Variants in TTLL5 observed in about 807,000 individuals in gnomAD.
TTLL5 encodes tubulin polyglutamylase TTLL5.
TTLL5 carries 132 observed loss-of-function variants against 168.4 expected under a neutral mutation model. That is an observed-to-expected ratio of 0.78 (90% confidence interval 0.68 to 0.91). The LOEUF is 0.91. Ranked by LOEUF, TTLL5 falls within the 40% of genes least tolerant of loss-of-function variation. The pLI is 0.00. For synonymous variants in TTLL5, 546 were observed against 558.6 expected (o/e 0.98, Z 0.32); for missense variants, 1,545 against 1,581.5 (o/e 0.98, Z 0.39).
chr14:75,692,108 A>G (rs912195489), intron 6 of TTLL5, among the ~76,000 whole-genome samples: 3 of 152,138 alleles, frequency 2.0e-5, no homozygotes, highest in Non-Finnish European at 4.4e-5. Context: ...TAGCCAAGTT[A>G]CTCCAACTTC....
intron 2 of TTLL5, among the ~76,000 whole-genome samples, chr14:75,666,291 A>G (rs1370402258): frequency 1.3e-5 from 2 of 152,380 alleles, no homozygotes; most frequent in East Asian, 3.9e-4. Flanking sequence ...GTGTTAAAGT[A>G]TTAATTCCTT....
intron 28 of TTLL5, among the ~76,000 whole-genome samples, chr14:75,848,736 C>T (rs1300423537): frequency 6.6e-6 from 1 of 152,218 alleles, no homozygotes; most frequent in Admixed American, 6.5e-5. Flanking sequence ...ATCCAGACTC[C>T]TAATAGATAA....
Position 75,882,257 on chromosome 14 carries a change from A to G in TTLL5, c.3523-428A>G, listed in dbSNP as rs1026600371. ...CTGCAAACTTTCTAGAGGAGCTCAGAGTTTTGGATTGGGCAGGAATCAAGT... is the reference window on the plus strand; with the variant it reads ...CTGCAAACTTTCTAGAGGAGCTCAGGGTTTTGGATTGGGCAGGAATCAAGT... On this transcript the variant is annotated intron_variant, in intron 29 of 31. Transcript: ENST00000298832. Among the ~76,000 whole-genome samples the G allele has an allele frequency of 5.9e-5, 9 of 152,130 alleles. 1 individual carries two copies. In the South Asian group the frequency reaches 1.9e-3, roughly 31 times the overall value.
At chr14:75,665,000 T>A (rs971620922) in intron 2 of TTLL5, among the ~76,000 whole-genome samples, 1 of 152,240 alleles carries the variant, frequency 6.6e-6, no homozygotes, top group Admixed American at 6.5e-5. Flanking sequence ...AGGTACTTAG[T>A]AAATTCTTGC....
At chr14:75,773,761 G>A (rs1302152328) in intron 21 of TTLL5, among the ~76,000 whole-genome samples, 7 of 150,682 alleles carry the variant, frequency 4.6e-5, no homozygotes, top group East Asian at 1.9e-4. Context: ...GTGGTAGTGC[G>A]CACCTATAGT....
At chr14:75,801,426 G>A (rs1893318025) in intron 27 of TTLL5, among the ~76,000 whole-genome samples, 1 of 152,114 alleles carries the variant, frequency 6.6e-6, no homozygotes, top group African/African-American at 2.4e-5. Flanking sequence ...TCAGGGTAAA[G>A]GTGTCCATCA....
intron 31 of TTLL5, among the ~76,000 whole-genome samples, chr14:75,911,187 A>G (rs1271862480): frequency 6.6e-6 from 1 of 151,824 alleles, no homozygotes; most frequent in Non-Finnish European, 1.5e-5. Context: ...GCCACCATGC[A>G]TGGCTAATTT....
intron 28 of TTLL5, among the ~76,000 whole-genome samples, chr14:75,828,092 G>C (rs757123104): frequency 6.6e-6 from 1 of 152,078 alleles, no homozygotes; most frequent in African/African-American, 2.4e-5. Flanking sequence ...TCTCAATGAT[G>C]TGACTATAAT....
chr14:75,842,682 G>A (rs175897), intron 28 of TTLL5, among the ~76,000 whole-genome samples: 136,314 of 152,250 alleles, frequency 0.9, 61,194 homozygotes, highest in African/African-American at 0.95. Context: ...TACTTTTAAT[G>A]TAAAATGTGG....
chr14:75,825,263 TCAC>T (rs1313433802), intron 28 of TTLL5, among the ~76,000 whole-genome samples: 1 of 152,194 alleles, frequency 6.6e-6, no homozygotes, highest in Non-Finnish European at 1.5e-5. Context: ...ATGGTATTGC[TCAC>T]CACTTAGTTT....
intron 26 of TTLL5, among the ~76,000 whole-genome samples, chr14:75,790,777 T>A (rs1892652426): frequency 6.6e-6 from 1 of 151,492 alleles, no homozygotes; most frequent in African/African-American, 2.4e-5. Flanking sequence ...GGAACTTTTT[T>A]ATTTTGTTTG....
In TTLL5 at chr14:75,690,285, G is replaced by C. The variant is rs1885355862; in HGVS notation, c.465G>C (p.Gln155His). 5 of 1,610,674 alleles carry C rather than the reference G, an allele frequency of 3.1e-6. No homozygotes were observed. The highest frequency in any genetic ancestry group is 4.5e-5 in the East Asian group (2 of 44,732). ...HGFKAFHILP[Q>H]TFLLPAEYAE... ...TCAAGGCTTTTCACATCCTCCCCCA[G>C]ACCTTCCTCCTGCCAGCTGAGTACG... Residue 155 changes from glutamine to histidine, a missense_variant, in exon 6 of 32, where the codon CAG becomes CAC. By Grantham distance (24) the Gln-to-His change is conservative. Transcript: ENST00000298832.
intron 28 of TTLL5, among the ~76,000 whole-genome samples, chr14:75,861,534 A>T (rs2030002601): frequency 6.6e-6 from 1 of 152,152 alleles, no homozygotes; most frequent in East Asian, 1.9e-4. Context: ...GGGTTCCTAC[A>T]CCTCTGTCAT....
intron 27 of TTLL5, among the ~76,000 whole-genome samples, chr14:75,804,869 A>T (rs997980371): frequency 6.6e-6 from 1 of 151,954 alleles, no homozygotes; most frequent in South Asian, 2.1e-4. Context: ...AGTTGATCTG[A>T]TCTAATTTCC....
intron 17 of TTLL5, 106 bp from the exon 18 acceptor site, chr14:75,752,787 G>A (rs1348792724): frequency 2.0e-6 from 2 of 994,712 alleles, no homozygotes; most frequent in Admixed American, 1.9e-5. Flanking sequence ...ATTAAAAACA[G>A]TATATAAGTA....
At chr14:75,795,460 G>A (rs1470288509) in intron 27 of TTLL5, among the ~76,000 whole-genome samples, 1 of 152,122 alleles carries the variant, frequency 6.6e-6, no homozygotes, top group African/African-American at 2.4e-5. Flanking sequence ...TGGGGGAACA[G>A]GTGGTGTTTG....
At chr14:75,729,779 A>G (rs1888416007) in intron 12 of TTLL5, among the ~76,000 whole-genome samples, 1 of 152,188 alleles carries the variant, frequency 6.6e-6, no homozygotes, top group South Asian at 2.1e-4. Context: ...AGATTTATTC[A>G]TCCAAATGAA....
At chr14:75,841,159 A>G (rs1033406027) in intron 28 of TTLL5, among the ~76,000 whole-genome samples, 2 of 152,244 alleles carry the variant, frequency 1.3e-5, no homozygotes, top group Admixed American at 6.5e-5. Context: ...ACCAGGCCCC[A>G]CCACCAGCAT....
At chr14:75,728,759 A>G (rs146320317) in intron 12 of TTLL5, among the ~76,000 whole-genome samples, 2 of 152,262 alleles carry the variant, frequency 1.3e-5, no homozygotes, top group African/African-American at 2.4e-5. Context: ...TTGAGAAGGA[A>G]GGAGACCTGA....
Sources: allele counts gnomAD v4.1 joint callset (sites outside exome capture counted in the v4.1 genomes callset), GRCh38; gene constraint gnomAD v4.1.1; transcripts MANE v1.5; gene names NCBI Gene and HGNC (gene_info 2026-07-23, HGNC 2026-07-21).